Variants in PDE4D observed in about 807,000 individuals in gnomAD.
PDE4D encodes phosphodiesterase 4D, also known as 3',5'-cyclic-AMP phosphodiesterase 4D.
Under a neutral mutation model 87.4 loss-of-function variants are expected in PDE4D, and 24 were observed. That is an observed-to-expected ratio of 0.27 (90% CI 0.20 to 0.39). PDE4D has a LOEUF of 0.39. Among genes scored for constraint, PDE4D ranks in the 10% least tolerant of loss-of-function variants. The probability of loss-of-function intolerance (pLI) is 1.00; values close to 1 mark genes in which losing one functional copy is unlikely to be tolerated. For missense variants in PDE4D, 714 were observed against 1,041.0 expected (o/e 0.69, Z 4.32); for synonymous variants, 384 against 383.2 (o/e 1.00, Z -0.02).
intron 2 of PDE4D, among the ~76,000 whole-genome samples, chr5:60,155,557 C>T (rs768377342): frequency 1.3e-5 from 2 of 152,098 alleles, no homozygotes; most frequent in Non-Finnish European, 2.9e-5. Flanking sequence ...AATGTATTAA[C>T]AACAAAATTT....
intron 6 of PDE4D, among the ~76,000 whole-genome samples, chr5:59,030,109 CACA>C (rs1245264981): frequency 2.6e-5 from 4 of 151,988 alleles, no homozygotes; most frequent in Non-Finnish European, 5.9e-5. Flanking sequence ...GGAAAATCTC[CACA>C]ACAATGGTCT....
At chr5:59,454,700 A>G (rs1341796063) in intron 1 of PDE4D, among the ~76,000 whole-genome samples, 1 of 152,210 alleles carries the variant, frequency 6.6e-6, no homozygotes, top group African/African-American at 2.4e-5. Context: ...AGGAGGGCTT[A>G]GAAGAAGACA....
At chr5:59,694,027 G>A (rs1394876688) in intron 1 of PDE4D, among the ~76,000 whole-genome samples, 1 of 152,048 alleles carries the variant, frequency 6.6e-6, no homozygotes, top group African/African-American at 2.4e-5. Context: ...AGGAAAAAAA[G>A]GACTTCAAAG....
At position 59,202,033 on chromosome 5, in the gene PDE4D, A is replaced by AT. The variant is rs10641798; in HGVS notation, c.648-8498dup. Among the ~76,000 whole-genome samples the AT allele has an allele frequency of 1.3e-3, 128 of 95,266 alleles. 7 individuals carry two copies. The East Asian group carries it at 0.021, about 16-fold the overall frequency. 62.5% of individuals were successfully genotyped at this position (95,266 alleles called of 152,430 possible). ...ATGCAGCTTTTCTGGTGTTTTGATC[A>AT]TTTTTTTTTTTTTTTTTTTTTCTGA... On this transcript the variant is annotated intron_variant, in intron 2 of 14. Transcript: ENST00000340635.
At chr5:60,102,222 TTTG>T (rs1776286023) in intron 2 of PDE4D, among the ~76,000 whole-genome samples, 1 of 152,106 alleles carries the variant, frequency 6.6e-6, no homozygotes, top group South Asian at 2.1e-4. Flanking sequence ...TTTGTTTTGT[TTTG>T]TTTTTTGTTT....
intron 11 of PDE4D, among the ~76,000 whole-genome samples, chr5:58,979,838 T>C (rs1744676087): frequency 6.6e-6 from 1 of 152,190 alleles, no homozygotes; most frequent in African/African-American, 2.4e-5. Context: ...CTACAAATCT[T>C]TTAATCGTTC....
chr5:60,093,418 T>G (rs1015246704), intron 2 of PDE4D, among the ~76,000 whole-genome samples: 3 of 152,208 alleles, frequency 2.0e-5, no homozygotes, highest in African/African-American at 7.2e-5. Context: ...CTATCTCAGA[T>G]TATTTTTTGA....
chr5:59,279,497 T>C (rs27184), intron 1 of PDE4D, among the ~76,000 whole-genome samples: 83,907 of 151,830 alleles, frequency 0.55, 24,537 homozygotes, highest in East Asian at 0.74. Flanking sequence ...GAGCTACATT[T>C]CTTAATTCCC....
chr5:59,370,894 A>G (rs1783827834), intron 1 of PDE4D, among the ~76,000 whole-genome samples: 1 of 152,246 alleles, frequency 6.6e-6, no homozygotes, highest in Admixed American at 6.5e-5. Flanking sequence ...TCTGCTCACC[A>G]GAAGTATGAA....
At position 59,717,650 on chromosome 5, in the gene PDE4D, C is replaced by A. The variant is rs1429942204; in HGVS notation, c.455+175518G>T. Among the ~76,000 whole-genome samples, 4 of 152,178 alleles carry A rather than the reference C, an allele frequency of 2.6e-5. No homozygotes were observed. In the South Asian group the frequency reaches 8.3e-4, roughly 31 times the overall value. On this transcript the variant is annotated intron_variant, in intron 1 of 14. Transcript: ENST00000340635. Reference sequence around the variant, plus strand: ...TTACATTAAACTGAGGACAGCTCTTCACTGTGCTGGCTTCATTACGATATT... The same window carrying A: ...TTACATTAAACTGAGGACAGCTCTTAACTGTGCTGGCTTCATTACGATATT...
chr5:59,461,203 A>C (rs1445203717), intron 1 of PDE4D, among the ~76,000 whole-genome samples: 1 of 152,192 alleles, frequency 6.6e-6, no homozygotes, highest in Admixed American at 6.5e-5. Context: ...TTTGTTTAAA[A>C]GCATGTTGTA....
intron 1 of PDE4D, among the ~76,000 whole-genome samples, chr5:60,290,414 A>G (rs1215728537): frequency 6.6e-6 from 1 of 152,228 alleles, no homozygotes; most frequent in Non-Finnish European, 1.5e-5. Flanking sequence ...CTAATAAGAA[A>G]TGACTATAGA....
At chr5:59,307,327 A>G (rs935680327) in intron 1 of PDE4D, among the ~76,000 whole-genome samples, 9 of 147,248 alleles carry the variant, frequency 6.1e-5, no homozygotes, top group Admixed American at 5.4e-4. Context: ...AAAACACCAA[A>G]AGCAATGGCA....
At chr5:60,243,139 T>C (rs1376480185) in intron 1 of PDE4D, among the ~76,000 whole-genome samples, 2 of 151,760 alleles carry the variant, frequency 1.3e-5, no homozygotes, top group African/African-American at 4.8e-5. Context: ...AAGGGAGACA[T>C]TACAACTGAG....
intron 2 of PDE4D, among the ~76,000 whole-genome samples, chr5:60,024,424 A>C (rs182630214): frequency 1.3e-5 from 2 of 152,294 alleles, no homozygotes; most frequent in East Asian, 3.9e-4. Flanking sequence ...CTCTGTATTT[A>C]TTGTTTCAAA....
chr5:59,442,632 G>T (rs1797807268), intron 1 of PDE4D, among the ~76,000 whole-genome samples: 2 of 152,110 alleles, frequency 1.3e-5, no homozygotes, highest in Admixed American at 1.3e-4. Flanking sequence ...AATTAATGAT[G>T]CCTATTACAT....
At chr5:59,180,464 A>G in intron 5 of PDE4D, 131 bp downstream of exon 5, 1 of 770,182 alleles carries the variant, frequency 1.3e-6, no homozygotes, top group Non-Finnish European at 2.3e-6. Context: ...TAGAAATGAT[A>G]ATGTAGAGAA....
intron 2 of PDE4D, among the ~76,000 whole-genome samples, chr5:60,082,427 G>GCCTCCAAAAC (rs2152904553): frequency 1.3e-5 from 2 of 152,260 alleles, no homozygotes; most frequent in East Asian, 3.9e-4. Context: ...TGAGATAAAT[G>GCCTCCAAAAC]TTTGTTGCTT....
Position 60,165,650 on chromosome 5 carries a change from C to T in PDE4D, c.42+19907G>A, listed in dbSNP as rs972152063. On this transcript the variant is annotated intron_variant, in intron 2 of 16. Transcript: ENST00000502484. The stretch of plus-strand genomic sequence containing the variant: ...ATTTGAATCCATGAACATGAAATAT[C>T]TTTCTATTTATTTGTGTGTTCAATT... 1.3e-5 allele frequency among the ~76,000 whole-genome samples: 2 copies of T among 150,624 alleles called. 1 individual carries two copies. Among genetic ancestry groups the T allele is most frequent in the South Asian group, 4.2e-4 (2 of 4,802 alleles).
Sources: allele counts gnomAD v4.1 joint callset (sites outside exome capture counted in the v4.1 genomes callset), GRCh38; gene constraint gnomAD v4.1.1; transcripts MANE v1.5; gene names NCBI Gene and HGNC (gene_info 2026-07-23, HGNC 2026-07-21).